The following SEMA6D variants were observed in gnomAD, a reference collection of about 807,000 sequenced individuals.
SEMA6D encodes semaphorin-6D.
Under a neutral mutation model 106.6 loss-of-function variants are expected in SEMA6D, and 35 were observed. The observed-to-expected ratio is 0.33, with a 90% CI of 0.25 to 0.44. The LOEUF is 0.44. Ranked by LOEUF, SEMA6D falls within the 20% of genes least tolerant of loss-of-function variation. SEMA6D has a pLI of 1.00. For missense variants in SEMA6D, 1,185 were observed against 1,345.9 expected (o/e 0.88, Z 1.87); for synonymous variants, 499 against 487.7 (o/e 1.02, Z -0.31).
At chr15:47,640,892 A>G (rs892777124) in intron 4 of SEMA6D, among the ~76,000 whole-genome samples, 2 of 152,162 alleles carry the variant, frequency 1.3e-5, no homozygotes, top group Non-Finnish European at 2.9e-5. Context: ...TTGAACAGAA[A>G]GTGGTAATAA....
At chr15:47,201,371 C>T (rs943317780) in intron 1 of SEMA6D, among the ~76,000 whole-genome samples, 8 of 151,836 alleles carry the variant, frequency 5.3e-5, no homozygotes, top group East Asian at 1.9e-4. Context: ...AGAAATAGAG[C>T]GATAATGCTT....
intron 3 of SEMA6D, among the ~76,000 whole-genome samples, chr15:47,568,315 A>G (rs1466380554): frequency 1.3e-5 from 2 of 152,192 alleles, no homozygotes; most frequent in African/African-American, 2.4e-5. Context: ...CTATAATAGT[A>G]TACAGTCATA....
chr15:47,599,339 C>CCTTGT (rs569567139), intron 3 of SEMA6D, among the ~76,000 whole-genome samples: 112 of 152,144 alleles, frequency 7.4e-4, no homozygotes, highest in African/African-American at 2.7e-3. Flanking sequence ...CTGTTTCACC[C>CCTTGT]CTTGTCTTGT....
chr15:47,428,966 C>G (rs531270341), intron 2 of SEMA6D, among the ~76,000 whole-genome samples: 1 of 144,414 alleles, frequency 6.9e-6, no homozygotes, highest in Non-Finnish European at 1.5e-5. Context: ...CAAGGAAGGG[C>G]CGAAAGAAGG....
At chr15:47,419,232 G>A (rs1161643262) in intron 2 of SEMA6D, among the ~76,000 whole-genome samples, 2 of 152,048 alleles carry the variant, frequency 1.3e-5, no homozygotes, top group Non-Finnish European at 2.9e-5. Flanking sequence ...TTTGCAAGGA[G>A]TGCAGTTATT....
At chr15:47,348,209 G>A (rs2038122888) in intron 1 of SEMA6D, among the ~76,000 whole-genome samples, 1 of 152,066 alleles carries the variant, frequency 6.6e-6, no homozygotes, top group Non-Finnish European at 1.5e-5. Context: ...TGTGCTTCAT[G>A]AGCTCTAGAG....
chr15:47,499,877 T>A lies in SEMA6D; in HGVS notation c.-87+29332T>A, dbSNP rs180818270. Among the ~76,000 whole-genome samples the A allele has an allele frequency of 9.9e-5, 15 of 152,206 alleles. No individual in the cohort carries two copies. The East Asian group carries it at 1.7e-3, about 18-fold the overall frequency. On this transcript the variant is annotated intron_variant, in intron 3 of 19. Transcript: ENST00000558014. ...TGTCTCAGTGGGTCAAGCTTTTTTTTTGTTTTAAACTTCAGTGCTTAAAGG... is the reference window on the plus strand; with the variant it reads ...TGTCTCAGTGGGTCAAGCTTTTTTTATGTTTTAAACTTCAGTGCTTAAAGG...
chr15:47,745,490 G>A (rs1342117875), intron 1 of SEMA6D, among the ~76,000 whole-genome samples: 6 of 152,248 alleles, frequency 3.9e-5, no homozygotes, highest in Non-Finnish European at 7.3e-5. Flanking sequence ...CTCCATCCCT[G>A]ACAGCAGCAA....
intron 1 of SEMA6D, among the ~76,000 whole-genome samples, chr15:47,372,907 G>T (rs2145437751): frequency 6.6e-6 from 1 of 152,294 alleles, no homozygotes; most frequent in South Asian, 2.1e-4. Flanking sequence ...AATCCAGATT[G>T]TGTGTCACAA....
At chr15:47,366,666 T>G (rs1026699700) in intron 1 of SEMA6D, among the ~76,000 whole-genome samples, 2 of 151,840 alleles carry the variant, frequency 1.3e-5, no homozygotes, top group Admixed American at 1.3e-4. Flanking sequence ...TTACATGGAG[T>G]GAATGAAGAA....
intron 1 of SEMA6D, among the ~76,000 whole-genome samples, chr15:47,226,854 T>G (rs2031705205): frequency 6.6e-6 from 1 of 152,110 alleles, no homozygotes; most frequent in Non-Finnish European, 1.5e-5. Flanking sequence ...TCATTCCACA[T>G]CTCTGCTTTG....
At chr15:47,701,325 A>G (rs534382472) in intron 4 of SEMA6D, among the ~76,000 whole-genome samples, 6 of 152,194 alleles carry the variant, frequency 3.9e-5, no homozygotes, top group Non-Finnish European at 8.8e-5. Flanking sequence ...TTGAACTCAT[A>G]GAAGTAGAGA....
chr15:47,503,018 T>C (rs1477953862), intron 3 of SEMA6D, among the ~76,000 whole-genome samples: 1 of 152,212 alleles, frequency 6.6e-6, no homozygotes, highest in Non-Finnish European at 1.5e-5. Flanking sequence ...AGTGACAATA[T>C]TTTTTGCCTT....
chr15:47,321,101 T>C (rs2036904892), intron 1 of SEMA6D, among the ~76,000 whole-genome samples: 1 of 152,322 alleles, frequency 6.6e-6, no homozygotes, highest in South Asian at 2.1e-4. Context: ...TTATTACTCA[T>C]GCAGTATTAA....
At chr15:47,454,924 G>C (rs1465200737) in intron 2 of SEMA6D, among the ~76,000 whole-genome samples, 1 of 151,846 alleles carries the variant, frequency 6.6e-6, no homozygotes, top group East Asian at 1.9e-4. Context: ...TGTGAACTGG[G>C]CATGCTAACT....
intron 3 of SEMA6D, chr15:47,581,251 C>T: frequency 2.4e-6 from 1 of 409,974 alleles, no homozygotes; most frequent in Non-Finnish European, 4.8e-6. Flanking sequence ...CATGTTGGGC[C>T]CCCAACCCTA....
At position 47,764,043 on chromosome 15, in the gene SEMA6D, G is replaced by T. The variant is rs757047242; in HGVS notation, c.941G>T (p.Gly314Val). Reference protein sequence around the residue: ...IQINGIPTVVGVFTTQLNSIP... With the variant: ...IQINGIPTVVVVFTTQLNSIP... ...ATCAATGGCATCCCCACTGTGGTCG[G>T]GGTGTTTACCACGCAGCTCAATAGG... Residue 314 changes from glycine (G) to valine (V), a missense_variant, in exon 10 of 19, where the codon GGG becomes GTG. Physicochemically the swap from Gly to Val is moderately radical, Grantham distance 109. Coordinates refer to ENST00000536845, the MANE Select transcript of SEMA6D (RefSeq NM_001358351.3). The T allele has an allele frequency of 6.2e-7, 1 of 1,613,716 alleles. No homozygotes were observed. Among genetic ancestry groups the T allele is most frequent in the Non-Finnish European group, 8.5e-7 (1 of 1,179,860 alleles).
intron 3 of SEMA6D, among the ~76,000 whole-genome samples, chr15:47,496,579 C>T (rs540904293): frequency 3.9e-5 from 6 of 152,196 alleles, no homozygotes; most frequent in Admixed American, 2.6e-4. Context: ...ATCTCATCAT[C>T]ATTAAAATGG....
chr15:47,759,330 G>A (rs528805723), intron 1 of SEMA6D, among the ~76,000 whole-genome samples: 11 of 152,208 alleles, frequency 7.2e-5, no homozygotes, highest in African/African-American at 2.4e-4. Flanking sequence ...CAGCTTGAGC[G>A]TTTTATGCGG....
Sources: allele counts gnomAD v4.1 joint callset (sites outside exome capture counted in the v4.1 genomes callset), GRCh38; gene constraint gnomAD v4.1.1; transcripts MANE v1.5; gene names NCBI Gene and HGNC (gene_info 2026-07-23, HGNC 2026-07-21).